Variants in METTL8 observed in about 807,000 individuals in gnomAD.
METTL8 encodes the protein methyltransferase 8, tRNA N3-cytidine, also known as tRNA N(3)-cytidine methyltransferase METTL8, mitochondrial.
METTL8 carries 32 observed loss-of-function variants against 48.7 expected under a neutral mutation model. The ratio of observed to expected loss-of-function variants is 0.66; its 90% CI spans 0.50 to 0.88. The LOEUF is 0.88. Ranked by LOEUF, METTL8 falls within the 40% of genes least tolerant of loss-of-function variation. The pLI is 0.00. For missense variants in METTL8, 464 were observed against 474.4 expected (o/e 0.98, Z 0.20); for synonymous variants, 136 against 157.1 (o/e 0.87, Z 1.01).
At chr2:171,344,608 T>C (rs553752783) in intron 3 of METTL8, among the ~76,000 whole-genome samples, 1 of 152,330 alleles carries the variant, frequency 6.6e-6, no homozygotes, top group South Asian at 2.1e-4. Flanking sequence ...ATAAGAAATA[T>C]AAACCATGCA....
At chr2:171,353,526 T>C (rs1684188628) in intron 3 of METTL8, among the ~76,000 whole-genome samples, 1 of 152,218 alleles carries the variant, frequency 6.6e-6, no homozygotes, top group Non-Finnish European at 1.5e-5. Flanking sequence ...ATATCGTTGT[T>C]AACTTTCTGT....
intron 1 of METTL8, among the ~76,000 whole-genome samples, chr2:171,418,385 C>T (rs1387771847): frequency 6.6e-6 from 1 of 152,114 alleles, no homozygotes; most frequent in Non-Finnish European, 1.5e-5. Context: ...GCCCCTTTTA[C>T]ATAGTGTACT....
At chr2:171,352,646 A>G (rs1359172870) in intron 3 of METTL8, among the ~76,000 whole-genome samples, 2 of 151,894 alleles carry the variant, frequency 1.3e-5, no homozygotes, top group Non-Finnish European at 1.5e-5. Flanking sequence ...CAATTTCAGA[A>G]CCTGTTATTG....
At chr2:171,367,918 C>T (rs892383334) in intron 2 of METTL8, among the ~76,000 whole-genome samples, 7 of 152,054 alleles carry the variant, frequency 4.6e-5, no homozygotes, top group Non-Finnish European at 5.9e-5. Flanking sequence ...ACCACTAAAT[C>T]GAAACTATTC....
intron 2 of METTL8, among the ~76,000 whole-genome samples, chr2:171,381,569 A>C (rs192499303): frequency 8.6e-4 from 131 of 151,548 alleles, no homozygotes; most frequent in African/African-American, 2.9e-3. Context: ...AGAAAAAAAA[A>C]CATCAAAAAG....
At chr2:171,415,669 T>G (rs1691244298) in intron 1 of METTL8, among the ~76,000 whole-genome samples, 1 of 152,124 alleles carries the variant, frequency 6.6e-6, no homozygotes, top group African/African-American at 2.4e-5. Flanking sequence ...CTTTTTTCTA[T>G]GTAAACCCAA....
intron 3 of METTL8, among the ~76,000 whole-genome samples, chr2:171,347,960 G>A (rs901906530): frequency 1.3e-5 from 2 of 152,188 alleles, no homozygotes; most frequent in African/African-American, 2.4e-5. Flanking sequence ...AGGAGCTTAG[G>A]AGGAGGATGG....
intron 1 of METTL8, among the ~76,000 whole-genome samples, chr2:171,432,342 G>C (rs1693138381): frequency 6.6e-6 from 1 of 152,208 alleles, no homozygotes; most frequent in Non-Finnish European, 1.5e-5. Context: ...AGATGGATAA[G>C]AGTCTAAAGG....
At chr2:171,419,335 T>C (rs1245956206) in intron 1 of METTL8, among the ~76,000 whole-genome samples, 1 of 152,214 alleles carries the variant, frequency 6.6e-6, no homozygotes, top group Non-Finnish European at 1.5e-5. Context: ...TGTTTCTATA[T>C]GCATTCATCT....
chr2:171,432,471 G>A (rs1214325295), intron 1 of METTL8, among the ~76,000 whole-genome samples: 1 of 152,192 alleles, frequency 6.6e-6, no homozygotes, highest in Non-Finnish European at 1.5e-5. Context: ...AGAGGAAAGA[G>A]AAATGAGAGA....
chr2:171,404,969 T>C (rs1690030571), intron 1 of METTL8, among the ~76,000 whole-genome samples: 1 of 152,180 alleles, frequency 6.6e-6, no homozygotes, highest in South Asian at 2.1e-4. Flanking sequence ...AATGAATTTC[T>C]TGCAATGACT....
chr2:171,412,282 G>A (rs1407476634), intron 1 of METTL8, among the ~76,000 whole-genome samples: 1 of 152,156 alleles, frequency 6.6e-6, no homozygotes, highest in Non-Finnish European at 1.5e-5. Flanking sequence ...AATGGCTGCA[G>A]CAGTCCCAAG....
In METTL8 at chr2:171,387,034, A is replaced by G. The variant is rs118059024; in HGVS notation, c.143+5009T>C. 1.4e-3 allele frequency among the ~76,000 whole-genome samples: 214 copies of G among 152,274 alleles called. 4 individuals are homozygous for G. The East Asian group carries it at 0.015, about 11-fold the overall frequency. The stretch of plus-strand genomic sequence containing the variant: ...CTGACTCCCCAATCTGCTGAGAGCT[A>G]CTTCCACTCAGTAAAACCTTGCACT... On this transcript the variant is annotated intron_variant, in intron 2 of 9. Transcript: ENST00000375258.
intron 5 of METTL8, among the ~76,000 whole-genome samples, chr2:171,334,387 A>G (rs1471330391): frequency 6.6e-6 from 1 of 152,156 alleles, no homozygotes; most frequent in Admixed American, 6.5e-5. Context: ...AAATCAGCTG[A>G]CTACCTTGGC....
chr2:171,397,995 G>T (rs552546825), intron 1 of METTL8, among the ~76,000 whole-genome samples: 3 of 152,276 alleles, frequency 2.0e-5, no homozygotes, highest in East Asian at 1.9e-4. Flanking sequence ...ACAAGTATTG[G>T]TGAGGATGTG....
At chr2:171,337,420 A>C in intron 5 of METTL8, 33 bp downstream of exon 5, 1 of 1,515,988 alleles carries the variant, frequency 6.6e-7, no homozygotes, top group Non-Finnish European at 9.0e-7. Context: ...TAAATATGTA[A>C]AATTCTGTAG....
chr2:171,388,843 T>A (rs958812888), intron 2 of METTL8, among the ~76,000 whole-genome samples: 2 of 152,238 alleles, frequency 1.3e-5, no homozygotes, highest in Non-Finnish European at 2.9e-5. Flanking sequence ...TGAGCTGTGA[T>A]CAGTGATCTT....
chr2:171,339,106 GATTT>G, intron 4 of METTL8, 74 bp downstream of exon 4: 1 of 1,294,100 alleles, frequency 7.7e-7, no homozygotes, highest in South Asian at 2.6e-5. Context: ...AAAAAATCTG[GATTT>G]TTAATAAAAT....
intron 3 of METTL8, among the ~76,000 whole-genome samples, chr2:171,345,051 A>G (rs1687133960): frequency 6.6e-6 from 1 of 152,200 alleles, no homozygotes. Context: ...TGTATTAATG[A>G]CAAATTTTTC....
Sources: allele counts gnomAD v4.1 joint callset (sites outside exome capture counted in the v4.1 genomes callset), GRCh38; gene constraint gnomAD v4.1.1; transcripts MANE v1.5; gene names NCBI Gene and HGNC (gene_info 2026-07-23, HGNC 2026-07-21).